The following ANKIB1 variants were observed in gnomAD, a reference collection of about 807,000 sequenced individuals.
The protein encoded by ANKIB1 is ankyrin repeat and IBR domain-containing protein 1.
In ANKIB1, 43 loss-of-function variants were observed where a neutral mutation model predicts 122.1. That is an observed-to-expected ratio of 0.35 (90% CI 0.28 to 0.45). The LOEUF (loss-of-function observed/expected upper bound fraction) is 0.45. ANKIB1 is among the 20% of genes least tolerant of loss of function. The probability of loss-of-function intolerance (pLI) is 1.00; values close to 1 mark genes in which losing one functional copy is unlikely to be tolerated. For missense variants in ANKIB1, 992 were observed against 1,329.5 expected (o/e 0.75, Z 3.95); for synonymous variants, 390 against 442.0 (o/e 0.88, Z 1.48).
At chr7:92,387,755 T>C (rs1263006978) in intron 12 of ANKIB1, 43 bp from the exon 13 acceptor site, 1 of 1,462,074 alleles carries the variant, frequency 6.8e-7, no homozygotes, top group Non-Finnish European at 9.4e-7. Flanking sequence ...TTTTAGTAGC[T>C]ACTAGTTTTT....
chr7:92,346,287 C>T (rs1394354198), intron 7 of ANKIB1, among the ~76,000 whole-genome samples: 2 of 152,044 alleles, frequency 1.3e-5, no homozygotes, highest in Admixed American at 1.3e-4. Flanking sequence ...CACACCACCA[C>T]GCTCTGCTAA....
At chr7:92,345,101 A>G (rs1394366526) in intron 7 of ANKIB1, 35 bp downstream of exon 7, 2 of 1,378,356 alleles carry the variant, frequency 1.5e-6, no homozygotes, top group Admixed American at 1.8e-5. Flanking sequence ...CTCTTACTGC[A>G]TGATAGCACT....
chr7:92,266,214 T>G (rs1801669997), intron 1 of ANKIB1, among the ~76,000 whole-genome samples: 1 of 151,972 alleles, frequency 6.6e-6, no homozygotes, highest in South Asian at 2.1e-4. Flanking sequence ...CTGCTAAGAG[T>G]TCAGATAGGA....
At chr7:92,308,894 T>C (rs1802627368) in intron 3 of ANKIB1, among the ~76,000 whole-genome samples, 2 of 152,168 alleles carry the variant, frequency 1.3e-5, no homozygotes, top group South Asian at 4.1e-4. Context: ...TATACCTTTA[T>C]TGGAAAAGCA....
chr7:92,307,319 T>A, intron 2 of ANKIB1, 40 bp from the exon 3 acceptor site: 2 of 1,534,546 alleles, frequency 1.3e-6, no homozygotes, highest in Non-Finnish European at 1.8e-6. Flanking sequence ...AGAAAATAAG[T>A]GATTTTCATC....
At chr7:92,336,483 A>G (rs1221470995) in intron 5 of ANKIB1, among the ~76,000 whole-genome samples, 1 of 152,010 alleles carries the variant, frequency 6.6e-6, no homozygotes, top group Non-Finnish European at 1.5e-5. Context: ...CCACTGTTGC[A>G]TTTTCTGACA....
chr7:92,290,880 T>A (rs1166069452), intron 1 of ANKIB1, among the ~76,000 whole-genome samples: 1 of 152,026 alleles, frequency 6.6e-6, no homozygotes, highest in Non-Finnish European at 1.5e-5. Context: ...GAAGGGTTGT[T>A]GTGGGTTGAA....
At chr7:92,313,898 G>T (rs755858330) in intron 3 of ANKIB1, among the ~76,000 whole-genome samples, 1 of 152,132 alleles carries the variant, frequency 6.6e-6, no homozygotes, top group Non-Finnish European at 1.5e-5. Context: ...TTTTGTGGAA[G>T]AGTAATAAAA....
intron 3 of ANKIB1, among the ~76,000 whole-genome samples, chr7:92,315,655 A>G (rs1015077148): frequency 6.6e-6 from 1 of 152,172 alleles, no homozygotes; most frequent in Admixed American, 6.6e-5. Context: ...CTGTTTAATC[A>G]TGTAATGTGC....
At chr7:92,386,467 A>G in intron 11 of ANKIB1, 42 bp from the exon 12 acceptor site, 3 of 1,522,424 alleles carry the variant, frequency 2.0e-6, no homozygotes, top group East Asian at 2.4e-5. Flanking sequence ...TAATTTGCAT[A>G]TTAATATGGG....
At chr7:92,320,355 C>CA (rs1176319244) in intron 4 of ANKIB1, among the ~76,000 whole-genome samples, 1 of 152,160 alleles carries the variant, frequency 6.6e-6, no homozygotes, top group Non-Finnish European at 1.5e-5. Context: ...CATGGAGTGA[C>CA]ATGTTGCCAA....
At chr7:92,371,931 G>A (rs778418016) in intron 11 of ANKIB1, among the ~76,000 whole-genome samples, 1 of 150,248 alleles carries the variant, frequency 6.7e-6, no homozygotes, top group Non-Finnish European at 1.5e-5. Flanking sequence ...ACCTTCCCCA[G>A]TGAGAGTCTT....
chr7:92,319,877 A>G lies in ANKIB1; in HGVS notation c.669+365A>G, dbSNP rs796372892. 4.7e-5 allele frequency: 9 copies of G among 189,810 alleles called. No individual in the cohort carries two copies. The South Asian group carries it at 6.5e-4, about 14-fold the overall frequency. The allele number at this position is 189,810 out of a possible 1,614,324, so 11.8% of individuals were successfully genotyped here. ...TTGAGTCCAAGAGTTCAAGGCTGCC[A>G]TGAGCTATGATCATGCCAGGACACT... On this transcript the variant is annotated intron_variant, in intron 4 of 19. Transcript: ENST00000265742.
intron 11 of ANKIB1, among the ~76,000 whole-genome samples, chr7:92,384,705 C>G (rs536591142): frequency 6.6e-6 from 1 of 152,286 alleles, no homozygotes; most frequent in African/African-American, 2.4e-5. Context: ...GAAACTGGAT[C>G]CCTTCCTTAC....
chr7:92,383,457 G>A (rs999504060), intron 11 of ANKIB1, among the ~76,000 whole-genome samples: 1 of 152,000 alleles, frequency 6.6e-6, no homozygotes, highest in Non-Finnish European at 1.5e-5. Context: ...ATTTTAGACT[G>A]ATATCCCTGA....
intron 3 of ANKIB1, among the ~76,000 whole-genome samples, chr7:92,318,969 A>G (rs989437692): frequency 7.2e-5 from 11 of 152,236 alleles, no homozygotes; most frequent in African/African-American, 2.4e-4. Flanking sequence ...AGAAAGATTT[A>G]TAGAAATTAT....
intron 1 of ANKIB1, among the ~76,000 whole-genome samples, chr7:92,260,863 G>A (rs913920888): frequency 2.0e-5 from 3 of 152,154 alleles, no homozygotes; most frequent in Admixed American, 6.5e-5. Flanking sequence ...CATGATAGGT[G>A]GTTGATAAAT....
Position 92,295,120 on chromosome 7 carries a change from A to G in ANKIB1, c.142A>G (p.Thr48Ala). The change falls in exon 2 of 20, where the codon ACT becomes GCT. Residue 48 changes from threonine to alanine, a missense_variant. Thr to Ala is a moderately conservative substitution (Grantham distance 58). This residue lies in a region of ANKIB1 where 54 missense variants were observed against 112.3 expected (regional missense o/e 0.48). Coordinates refer to ENST00000265742, the MANE Select transcript of ANKIB1 (RefSeq NM_019004.2). ...TSYGEPYQHN[T>A]PLHYAARHGM... Reference sequence around the variant, plus strand: ...TTATGGGGAGCCCTACCAGCACAATACTCCATTACATTATGCTGCTAGACA... The same window carrying G: ...TTATGGGGAGCCCTACCAGCACAATGCTCCATTACATTATGCTGCTAGACA... 6.4e-7 allele frequency: 1 copy of G among 1,570,916 alleles called. No individual in the cohort carries two copies.
intron 5 of ANKIB1, among the ~76,000 whole-genome samples, chr7:92,337,920 G>T (rs1585114075): frequency 6.6e-6 from 1 of 152,014 alleles, no homozygotes; most frequent in Non-Finnish European, 1.5e-5. Flanking sequence ...ATGCGTGAGT[G>T]AAATAACTGA....
Sources: allele counts gnomAD v4.1 joint callset (sites outside exome capture counted in the v4.1 genomes callset), GRCh38; gene constraint gnomAD v4.1.1; regional missense constraint gnomAD v4.1.1; transcripts MANE v1.5; gene names NCBI Gene and HGNC (gene_info 2026-07-23, HGNC 2026-07-21).